Variants in PRIM2 observed in about 807,000 individuals in gnomAD.
PRIM2 encodes the protein DNA primase subunit 2.
A neutral mutation model predicts 67.3 loss-of-function variants in PRIM2; 39 were observed. The ratio of observed to expected loss-of-function variants is 0.58; its 90% CI spans 0.45 to 0.76. The LOEUF (loss-of-function observed/expected upper bound fraction) is 0.76. PRIM2 is among the 30% of genes least tolerant of loss of function. The pLI is 0.00. For missense variants in PRIM2, 398 were observed against 598.7 expected, an observed-to-expected ratio of 0.66 and a Z score of 3.50; for synonymous variants, 143 against 198.7, an observed-to-expected ratio of 0.72 and a Z score of 2.36.
At chr6:57,644,590 C>T (rs1582035216) in intron 13 of PRIM2, among the ~76,000 whole-genome samples, 1 of 152,102 alleles carries the variant, frequency 6.6e-6, no homozygotes, top group African/African-American at 2.4e-5. Context: ...ATTAAATATG[C>T]AAAATTATCA....
At chr6:57,231,617 G>A in the PRIM2 span, among the ~76,000 whole-genome samples, 1 of 152,030 alleles carries the variant, frequency 6.6e-6, no homozygotes, top group Non-Finnish European at 1.5e-5. Flanking sequence ...TAAACAATAA[G>A]GATATAATTT....
chr6:57,337,258 A>G (rs554827607), intron 5 of PRIM2, among the ~76,000 whole-genome samples: 1 of 152,280 alleles, frequency 6.6e-6, no homozygotes, highest in South Asian at 2.1e-4. Flanking sequence ...CACATTAATA[A>G]TGGGAGATTT....
intron 7 of PRIM2, among the ~76,000 whole-genome samples, chr6:57,480,669 G>T (rs1243405868): frequency 6.6e-6 from 1 of 151,804 alleles, no homozygotes; most frequent in Non-Finnish European, 1.5e-5. Context: ...TCACTCTGTC[G>T]CCAGGCTGGA....
Position 57,352,772 on chromosome 6 carries a change from C to T in PRIM2, c.459+26727C>T, listed in dbSNP as rs73748771. Among the ~76,000 whole-genome samples the T allele has an allele frequency of 4.1e-3, 625 of 151,744 alleles. 1 individual carries two copies. The highest frequency in any genetic ancestry group is 0.013 in the African/African-American group (542 of 41,402). ...CAGGATTACTGTGCTGTAGAAGTGTCATTTGGGGGAGCCAAAGCACTGTAC... is the reference window on the plus strand; with the variant it reads ...CAGGATTACTGTGCTGTAGAAGTGTTATTTGGGGGAGCCAAAGCACTGTAC... On this transcript the variant is annotated intron_variant, in intron 5 of 13. Transcript: ENST00000615550.
chr6:57,409,841 G>A (rs1771025150), intron 7 of PRIM2, among the ~76,000 whole-genome samples: 1 of 152,084 alleles, frequency 6.6e-6, no homozygotes, highest in Non-Finnish European at 1.5e-5. Flanking sequence ...TTTCTTTTAT[G>A]GTTTACTTTT....
intron 7 of PRIM2, among the ~76,000 whole-genome samples, chr6:57,452,051 C>T (rs1352583028): frequency 4.0e-5 from 6 of 151,562 alleles, no homozygotes; most frequent in Non-Finnish European, 5.9e-5. Flanking sequence ...TTTGTCCTTG[C>T]AATAGTTTGC....
intron 13 of PRIM2, among the ~76,000 whole-genome samples, chr6:57,641,709 G>A (rs1401333077): frequency 6.6e-5 from 10 of 152,220 alleles, no homozygotes; most frequent in African/African-American, 2.4e-4. Flanking sequence ...TTAGAATGGG[G>A]GTCATTAAAA....
chr6:57,533,727 T>A (rs1774939214), intron 9 of PRIM2, among the ~76,000 whole-genome samples: 1 of 152,240 alleles, frequency 6.6e-6, no homozygotes, highest in Non-Finnish European at 1.5e-5. Flanking sequence ...GTGAATTTCA[T>A]TGGATACTGT....
intron 7 of PRIM2, among the ~76,000 whole-genome samples, chr6:57,432,708 TCA>T (rs1367062224): frequency 1.3e-5 from 2 of 152,196 alleles, no homozygotes; most frequent in African/African-American, 4.8e-5. Context: ...CTTATATACC[TCA>T]CAGGATGTTA....
At chr6:57,586,754 GCTTGCCAAAGGCTCTGTGGATGAATAGT>G (rs1431836560) in intron 10 of PRIM2, among the ~76,000 whole-genome samples, 1 of 152,168 alleles carries the variant, frequency 6.6e-6, no homozygotes, top group Non-Finnish European at 1.5e-5. Flanking sequence ...TCCAGCCCAG[GCTTGCCAAAGGCTCTGTGGATGAATAGT>G]CTTGCTAACA....
chr6:57,248,339 A>T, the PRIM2 span, among the ~76,000 whole-genome samples: 14 of 152,316 alleles, frequency 9.2e-5, no homozygotes, highest in South Asian at 2.9e-3. Context: ...TTTAGCTAGC[A>T]ATATTAGATT....
chr6:57,625,439 G>A (rs1298763379), intron 12 of PRIM2, among the ~76,000 whole-genome samples: 2 of 152,194 alleles, frequency 1.3e-5, no homozygotes, highest in Non-Finnish European at 2.9e-5. Flanking sequence ...GATTTTGTGA[G>A]CTAAAGTTCC....
At chr6:57,335,129 C>T (rs959836888) in intron 5 of PRIM2, among the ~76,000 whole-genome samples, 1 of 152,234 alleles carries the variant, frequency 6.6e-6, no homozygotes, top group Non-Finnish European at 1.5e-5. Flanking sequence ...GGGTCACTCC[C>T]ACCCGAATAC....
intron 7 of PRIM2, among the ~76,000 whole-genome samples, chr6:57,435,514 A>G (rs530395520): frequency 7.2e-5 from 11 of 152,356 alleles, no homozygotes; most frequent in Middle Eastern, 6.8e-3. Flanking sequence ...GAGGAGAAAC[A>G]AATACTTAAA....
intron 5 of PRIM2, among the ~76,000 whole-genome samples, chr6:57,330,288 A>G (rs779993806): frequency 6.1e-5 from 9 of 147,338 alleles, no homozygotes; most frequent in Admixed American, 1.3e-4. Context: ...CATTGCTAGT[A>G]TATAAAAATC....
chr6:57,555,581 A>G (rs1775499123), intron 10 of PRIM2, among the ~76,000 whole-genome samples: 2 of 152,218 alleles, frequency 1.3e-5, no homozygotes, highest in African/African-American at 2.4e-5. Flanking sequence ...TGCCTGGCCT[A>G]CCTTGTATAA....
At chr6:57,332,317 G>A (rs765862686) in intron 5 of PRIM2, among the ~76,000 whole-genome samples, 1 of 152,030 alleles carries the variant, frequency 6.6e-6, no homozygotes, top group Non-Finnish European at 1.5e-5. Flanking sequence ...TGTTCCATGT[G>A]TGCTTGTGAA....
chr6:57,418,838 T>C (rs1167283078), intron 7 of PRIM2, among the ~76,000 whole-genome samples: 6 of 152,168 alleles, frequency 3.9e-5, no homozygotes, highest in African/African-American at 1.4e-4. Context: ...CTAGATTAAT[T>C]ATCTGCTTGC....
intron 10 of PRIM2, among the ~76,000 whole-genome samples, chr6:57,574,567 A>T (rs1414575303): frequency 6.6e-6 from 1 of 152,040 alleles, no homozygotes; most frequent in Non-Finnish European, 1.5e-5. Flanking sequence ...TAATTTTCTA[A>T]TAATTACCTA....
Sources: allele counts gnomAD v4.1 joint callset (sites outside exome capture counted in the v4.1 genomes callset), GRCh38; gene constraint gnomAD v4.1.1; transcripts MANE v1.5; gene names NCBI Gene and HGNC (gene_info 2026-07-23, HGNC 2026-07-21).